GABRG3: variants seen among roughly 807,000 people sequenced by gnomAD.
The protein encoded by GABRG3 is gamma-aminobutyric acid type A receptor subunit gamma3.
In GABRG3, 25 loss-of-function variants were observed where a neutral mutation model predicts 48.8. The observed-to-expected ratio is 0.51, with a 90% CI of 0.37 to 0.72. GABRG3 has a LOEUF of 0.72. GABRG3 is among the 30% of genes least tolerant of loss of function. The pLI, the probability that GABRG3 is intolerant of heterozygous loss-of-function variation, is 0.00. For missense variants in GABRG3, 394 were observed against 577.9 expected, an observed-to-expected ratio of 0.68 and a Z score of 3.26; for synonymous variants, 227 against 217.6, an observed-to-expected ratio of 1.04 and a Z score of -0.38.
At chr15:27,222,537 G>T (rs1340381905) in intron 3 of GABRG3, among the ~76,000 whole-genome samples, 1 of 152,108 alleles carries the variant, frequency 6.6e-6, no homozygotes, top group East Asian at 1.9e-4. Flanking sequence ...CTTTGATTCG[G>T]GTACTTGAGT....
chr15:27,019,319 C>G (rs1049413884), intron 2 of GABRG3, among the ~76,000 whole-genome samples: 39 of 152,164 alleles, frequency 2.6e-4, no homozygotes, highest in African/African-American at 9.4e-4. Flanking sequence ...ATCCCCCCGC[C>G]TTGGCCTCCC....
chr15:27,213,443 G>A (rs1889136148), intron 3 of GABRG3, among the ~76,000 whole-genome samples: 1 of 152,174 alleles, frequency 6.6e-6, no homozygotes, highest in African/African-American at 2.4e-5. Context: ...GCAGAAACAG[G>A]GAGCAAAGAG....
chr15:27,417,586 A>C (rs1055092155), intron 5 of GABRG3, among the ~76,000 whole-genome samples: 2 of 151,980 alleles, frequency 1.3e-5, no homozygotes, highest in Non-Finnish European at 2.9e-5. Context: ...ATCGGCCTTC[A>C]CAGTGTGTCC....
intron 3 of GABRG3, among the ~76,000 whole-genome samples, chr15:27,043,824 G>A (rs930232950): frequency 3.9e-5 from 6 of 152,322 alleles, no homozygotes; most frequent in South Asian, 4.1e-4. Context: ...TGGCTCCTCC[G>A]CTTCAGGGTC....
chr15:27,164,991 A>C (rs1239750903), intron 3 of GABRG3, among the ~76,000 whole-genome samples: 1 of 152,334 alleles, frequency 6.6e-6, no homozygotes, highest in East Asian at 1.9e-4. Context: ...TCAATCTTGG[A>C]TAAGAACTTT....
intron 5 of GABRG3, among the ~76,000 whole-genome samples, chr15:27,337,679 TCTCC>T (rs1256038222): frequency 6.6e-6 from 1 of 152,144 alleles, no homozygotes; most frequent in Non-Finnish European, 1.5e-5. Context: ...TCCCATTTTT[TCTCC>T]CTGTTTATTT....
chr15:27,443,194 G>C (rs1888842307), intron 5 of GABRG3, among the ~76,000 whole-genome samples: 1 of 152,198 alleles, frequency 6.6e-6, no homozygotes, highest in Non-Finnish European at 1.5e-5. Flanking sequence ...TACCCAAAGG[G>C]AAGACCCTGT....
At chr15:27,397,097 A>T (rs1887323779) in intron 5 of GABRG3, among the ~76,000 whole-genome samples, 1 of 152,206 alleles carries the variant, frequency 6.6e-6, no homozygotes, top group Non-Finnish European at 1.5e-5. Context: ...ACTTTAAAAA[A>T]ATCTGCCAGA....
chr15:27,249,358 G>A lies in GABRG3; in HGVS notation c.271-77451G>A, dbSNP rs78583040. On this transcript the variant is annotated intron_variant, in intron 3 of 9. Transcript: ENST00000615808. ...GCCCCCAGATTTCCTCCGCAATCCC[G>A]GCTGCGTGCCCTTCCAGGTCGGGGG... Among the ~76,000 whole-genome samples, 971 of 152,256 alleles carry A rather than the reference G, an allele frequency of 6.4e-3. 35 individuals are homozygous for A. The East Asian group carries it at 0.091, about 14-fold the overall frequency.
chr15:27,136,201 T>A (rs1898005530), intron 3 of GABRG3, among the ~76,000 whole-genome samples: 2 of 152,202 alleles, frequency 1.3e-5, no homozygotes, highest in Non-Finnish European at 2.9e-5. Flanking sequence ...AACATTTTAT[T>A]CTTTTTAAGG....
intron 3 of GABRG3, among the ~76,000 whole-genome samples, chr15:27,188,121 C>T (rs991102176): frequency 1.3e-5 from 2 of 152,108 alleles, no homozygotes; most frequent in African/African-American, 4.8e-5. Context: ...TTAATCCAGT[C>T]TATCATTGTT....
intron 3 of GABRG3, among the ~76,000 whole-genome samples, chr15:27,264,918 A>C (rs1890871956): frequency 6.6e-6 from 1 of 152,174 alleles, no homozygotes; most frequent in African/African-American, 2.4e-5. Context: ...ATACCTTATA[A>C]AAATTTAAAA....
intron 5 of GABRG3, among the ~76,000 whole-genome samples, chr15:27,455,133 T>C (rs893647485): frequency 6.6e-6 from 1 of 152,222 alleles, no homozygotes; most frequent in Non-Finnish European, 1.5e-5. Context: ...TGAAGTCATT[T>C]TCCCTTAACA....
chr15:27,224,647 T>C (rs943595029), intron 3 of GABRG3, among the ~76,000 whole-genome samples: 2 of 152,228 alleles, frequency 1.3e-5, no homozygotes, highest in Non-Finnish European at 2.9e-5. Flanking sequence ...TAGCAAGGAA[T>C]TGCCACAGTC....
intron 3 of GABRG3, among the ~76,000 whole-genome samples, chr15:27,100,732 T>C (rs1289838166): frequency 1.3e-5 from 2 of 152,202 alleles, no homozygotes; most frequent in Admixed American, 1.3e-4. Flanking sequence ...ATCATACAAT[T>C]ATATCATTTT....
intron 3 of GABRG3, among the ~76,000 whole-genome samples, chr15:27,246,489 C>T (rs987873282): frequency 2.6e-5 from 4 of 152,000 alleles, no homozygotes; most frequent in African/African-American, 7.2e-5. Context: ...CTAAAGGTTA[C>T]GTATCATTTT....
At chr15:27,527,065 A>G (rs1247957769) in intron 7 of GABRG3, among the ~76,000 whole-genome samples, 17 of 152,164 alleles carry the variant, frequency 1.1e-4, no homozygotes, top group Non-Finnish European at 1.5e-5. Flanking sequence ...GGTGAGGAGA[A>G]GTCAGAAATA....
rs1224017116 is a variant in GABRG3, at chr15:27,495,776, G to A, written c.712+14989G>A. ...ACTTGTGAAAGCATTTTTTGAGGGC[G>A]ACTTTAAAAATTCATGTAAAATTCC... On this transcript the variant is annotated intron_variant, in intron 6 of 9. Transcript: ENST00000615808. Among the ~76,000 whole-genome samples the A allele has an allele frequency of 5.9e-5, 9 of 152,128 alleles. No homozygotes were observed. In the East Asian group the frequency reaches 7.7e-4, roughly 13 times the overall value.
chr15:27,232,742 A>G (rs1889838407), intron 3 of GABRG3, among the ~76,000 whole-genome samples: 1 of 152,236 alleles, frequency 6.6e-6, no homozygotes, highest in South Asian at 2.1e-4. Flanking sequence ...GAGCCAAAAT[A>G]CATTATGAAT....
Sources: allele counts gnomAD v4.1 joint callset (sites outside exome capture counted in the v4.1 genomes callset), GRCh38; gene constraint gnomAD v4.1.1; transcripts MANE v1.5; gene names NCBI Gene and HGNC (gene_info 2026-07-23, HGNC 2026-07-21).